Variants in XKR4 observed in about 807,000 individuals in gnomAD.
The protein encoded by XKR4 is XK-related protein 4.
XKR4 carries 12 observed loss-of-function variants against 53.9 expected under a neutral mutation model. That is an observed-to-expected ratio of 0.22 (90% CI 0.14 to 0.36). The LOEUF (loss-of-function observed/expected upper bound fraction) is 0.36. Ranked by LOEUF, XKR4 falls within the 10% of genes least tolerant of loss-of-function variation. XKR4 has a pLI of 1.00. For synonymous variants in XKR4, 354 were observed against 362.4 expected (o/e 0.98, Z 0.26); for missense variants, 799 against 859.5 (o/e 0.93, Z 0.88).
chr8:55,344,612 A>G (rs980701586), intron 1 of XKR4, among the ~76,000 whole-genome samples: 25 of 152,234 alleles, frequency 1.6e-4, no homozygotes, highest in African/African-American at 5.8e-4. Context: ...TACTGTTAAA[A>G]TATTTGCATG....
At chr8:55,370,360 T>A (rs1298622681) in intron 2 of XKR4, among the ~76,000 whole-genome samples, 1 of 152,194 alleles carries the variant, frequency 6.6e-6, no homozygotes, top group Non-Finnish European at 1.5e-5. Context: ...CATCTGAATG[T>A]AAAGGGCATA....
intron 1 of XKR4, among the ~76,000 whole-genome samples, chr8:55,331,507 CT>C (rs199549138): frequency 6.6e-5 from 10 of 151,802 alleles, no homozygotes; most frequent in African/African-American, 2.4e-4. Flanking sequence ...CCTTGTTCAT[CT>C]TTTTTTTAGT....
At chr8:55,455,016 G>A in intron 2 of XKR4, 1 of 766,332 alleles carries the variant, frequency 1.3e-6, no homozygotes, top group Non-Finnish European at 2.4e-6. Flanking sequence ...AACAGCTGGG[G>A]GAATGGGTTG....
At chr8:55,438,860 T>A (rs2622597) in intron 2 of XKR4, among the ~76,000 whole-genome samples, 2 of 151,940 alleles carry the variant, frequency 1.3e-5, no homozygotes, top group African/African-American at 4.8e-5. Flanking sequence ...ACAAGTATGA[T>A]GCTAGCTTTC....
At chr8:55,310,047 G>A (rs917047259) in intron 1 of XKR4, among the ~76,000 whole-genome samples, 3 of 152,042 alleles carry the variant, frequency 2.0e-5, no homozygotes, top group African/African-American at 7.3e-5. Flanking sequence ...GTGTGCATGT[G>A]TGTCTGTGTG....
chr8:55,107,525 T>C (rs543657586), intron 1 of XKR4, among the ~76,000 whole-genome samples: 2 of 152,296 alleles, frequency 1.3e-5, no homozygotes, highest in South Asian at 4.1e-4. Context: ...TGAGCTTAGC[T>C]CTTTGAACTC....
intron 1 of XKR4, among the ~76,000 whole-genome samples, chr8:55,306,463 G>A (rs1325375488): frequency 6.6e-6 from 1 of 152,216 alleles, no homozygotes; most frequent in African/African-American, 2.4e-5. Context: ...ACGAAAGAAA[G>A]AGATTTAATT....
chr8:55,497,056 GGA>G (rs1806362601), intron 2 of XKR4, among the ~76,000 whole-genome samples: 1 of 152,146 alleles, frequency 6.6e-6, no homozygotes, highest in East Asian at 1.9e-4. Context: ...TGTGCATTCA[GGA>G]GAGATTCATG....
chr8:55,496,009 A>G (rs1385713350), intron 2 of XKR4, among the ~76,000 whole-genome samples: 1 of 152,252 alleles, frequency 6.6e-6, no homozygotes, highest in Non-Finnish European at 1.5e-5. Flanking sequence ...TGAGACTATG[A>G]AGTCAGCAAT....
intron 2 of XKR4, among the ~76,000 whole-genome samples, chr8:55,475,851 T>C (rs1002715894): frequency 6.6e-6 from 1 of 151,952 alleles, no homozygotes; most frequent in African/African-American, 2.4e-5. Context: ...TCCACCCTCC[T>C]CAGCCTCCCA....
Position 55,480,765 on chromosome 8 carries a change from G to C in XKR4, c.1007-42516G>C, listed in dbSNP as rs1428782235. 2.7e-5 allele frequency among the ~76,000 whole-genome samples: 3 copies of C among 111,786 alleles called. 1 individual carries two copies. The highest frequency in any genetic ancestry group is 1.4e-4 in the African/African-American group (3 of 20,790). The allele number at this position is 111,786 out of a possible 152,430, so 73.3% of individuals were successfully genotyped here. On this transcript the variant is annotated intron_variant, in intron 2 of 2. Coordinates refer to ENST00000327381, the MANE Select transcript of XKR4 (RefSeq NM_052898.2). The stretch of plus-strand genomic sequence containing the variant: ...CATTCTTATACACCAAAAACAGACA[G>C]AGAGCCAAATCATGAGTGAACTCCC...
intron 1 of XKR4, among the ~76,000 whole-genome samples, chr8:55,300,136 G>T (rs1321926753): frequency 6.6e-6 from 1 of 152,172 alleles, no homozygotes. Flanking sequence ...TGTGAAAGGT[G>T]AAGCAGGTGG....
At chr8:55,265,156 A>G (rs1335204307) in intron 1 of XKR4, among the ~76,000 whole-genome samples, 1 of 152,220 alleles carries the variant, frequency 6.6e-6, no homozygotes, top group Non-Finnish European at 1.5e-5. Context: ...GTATCACTAC[A>G]AGCAGATGGA....
chr8:55,211,327 A>T (rs1817726716), intron 1 of XKR4, among the ~76,000 whole-genome samples: 1 of 152,220 alleles, frequency 6.6e-6, no homozygotes, highest in Non-Finnish European at 1.5e-5. Context: ...GAAGAGGAAA[A>T]TTTCATTGTC....
intron 2 of XKR4, among the ~76,000 whole-genome samples, chr8:55,399,907 C>T (rs989094399): frequency 6.6e-6 from 1 of 152,204 alleles, no homozygotes; most frequent in African/African-American, 2.4e-5. Context: ...AGCCTGCTCG[C>T]TCACACCTTG....
At chr8:55,497,130 T>C (rs909259872) in intron 2 of XKR4, among the ~76,000 whole-genome samples, 34 of 152,350 alleles carry the variant, frequency 2.2e-4, no homozygotes, top group African/African-American at 7.9e-4. Context: ...AGAAATATTT[T>C]TGAGCTGTAA....
chr8:55,364,382 G>T (rs1803943915), intron 2 of XKR4, among the ~76,000 whole-genome samples: 1 of 152,150 alleles, frequency 6.6e-6, no homozygotes, highest in African/African-American at 2.4e-5. Flanking sequence ...GACTCCTACG[G>T]GATGAGCCCT....
chr8:55,523,021 A>T lies in XKR4; in HGVS notation c.1007-260A>T, dbSNP rs185208018. 4.3e-3 allele frequency among the ~76,000 whole-genome samples: 653 copies of T among 152,208 alleles called. 7 individuals are homozygous for T. Among genetic ancestry groups the T allele is most frequent in the African/African-American group, 0.015 (626 of 41,526 alleles). On this transcript the variant is annotated intron_variant, in intron 2 of 2. Coordinates refer to ENST00000327381, the MANE Select transcript of XKR4 (RefSeq NM_052898.2). The stretch of plus-strand genomic sequence containing the variant: ...GCCAGGCATGGTAGTGGGCGCCTGT[A>T]GTCCCAGCTACTGGGGAGGCTGAGG...
chr8:55,489,798 T>A (rs1199401763), intron 2 of XKR4, among the ~76,000 whole-genome samples: 1 of 152,116 alleles, frequency 6.6e-6, no homozygotes, highest in Non-Finnish European at 1.5e-5. Context: ...AACATGAAAA[T>A]CAAGTCAAAA....
Sources: gnomAD v4.1 joint callset for allele counts (sites outside exome capture counted in the v4.1 genomes callset) on GRCh38, gnomAD v4.1.1 for gene constraint, MANE v1.5 for transcripts, NCBI Gene and HGNC (gene_info 2026-07-23, HGNC 2026-07-21) for gene names.